Variants in KCNQ5 observed in about 807,000 individuals in gnomAD.
The protein encoded by KCNQ5 is potassium voltage-gated channel subfamily Q member 5, also known as potassium voltage-gated channel subfamily KQT member 5.
KCNQ5 carries 30 observed loss-of-function variants against 98.2 expected under a neutral mutation model. The ratio of observed to expected loss-of-function variants is 0.31; its 90% CI spans 0.23 to 0.41. KCNQ5 has a LOEUF of 0.41. KCNQ5 is among the 10% of genes least tolerant of loss of function. KCNQ5 has a pLI of 1.00. For missense variants in KCNQ5, 835 were observed against 1,182.5 expected (o/e 0.71, Z 4.31); for synonymous variants, 458 against 449.4 (o/e 1.02, Z -0.24).
intron 2 of KCNQ5, among the ~76,000 whole-genome samples, chr6:73,015,216 T>A (rs1428236575): frequency 6.6e-6 from 1 of 152,118 alleles, no homozygotes; most frequent in Non-Finnish European, 1.5e-5. Context: ...GCTCTCAGAA[T>A]ATCCCAATGA....
chr6:72,948,307 C>A (rs1766639004), intron 1 of KCNQ5, among the ~76,000 whole-genome samples: 2 of 151,928 alleles, frequency 1.3e-5, no homozygotes, highest in Non-Finnish European at 2.9e-5. Context: ...CTTACAAATC[C>A]AACTGACCTG....
intron 1 of KCNQ5, among the ~76,000 whole-genome samples, chr6:72,739,115 C>G (rs550041660): frequency 6.6e-6 from 1 of 152,196 alleles, no homozygotes; most frequent in South Asian, 2.1e-4. Context: ...GGTGGGGGAT[C>G]TCAATAGTGG....
chr6:72,963,069 T>A (rs1000982041), intron 1 of KCNQ5, among the ~76,000 whole-genome samples: 3 of 152,208 alleles, frequency 2.0e-5, no homozygotes, highest in Admixed American at 6.5e-5. Flanking sequence ...AATAAAGCAC[T>A]AAGTTAATTT....
At chr6:72,789,947 A>G (rs1773946719) in intron 1 of KCNQ5, among the ~76,000 whole-genome samples, 1 of 152,196 alleles carries the variant, frequency 6.6e-6, no homozygotes, top group Non-Finnish European at 1.5e-5. Context: ...CCATTTTATA[A>G]TTAACTTGGA....
At chr6:72,954,748 G>A (rs1487975088) in intron 1 of KCNQ5, among the ~76,000 whole-genome samples, 1 of 152,170 alleles carries the variant, frequency 6.6e-6, no homozygotes, top group Non-Finnish European at 1.5e-5. Flanking sequence ...AGACTTGGCA[G>A]AATAAGTTAG....
chr6:72,959,341 A>G (rs1767229956), intron 1 of KCNQ5, among the ~76,000 whole-genome samples: 1 of 152,184 alleles, frequency 6.6e-6, no homozygotes, highest in Non-Finnish European at 1.5e-5. Flanking sequence ...CAACTTTCAT[A>G]TTTGGGCAAG....
intron 3 of KCNQ5, among the ~76,000 whole-genome samples, chr6:73,059,441 A>G (rs541642994): frequency 7.2e-5 from 11 of 152,252 alleles, no homozygotes; most frequent in African/African-American, 2.6e-4. Context: ...GGAGAGCATA[A>G]AAAAACTACC....
At chr6:72,872,971 T>C (rs934891153) in intron 1 of KCNQ5, among the ~76,000 whole-genome samples, 9 of 152,130 alleles carry the variant, frequency 5.9e-5, no homozygotes, top group African/African-American at 2.2e-4. Flanking sequence ...ATCAGAAAGC[T>C]ATGCATGATT....
rs201690835 is a variant in KCNQ5 at position 73,077,732 on chromosome 6, C to G, written c.793-30C>G. The G allele has an allele frequency of 5.1e-6, 8 of 1,582,002 alleles. No homozygotes were observed. The East Asian group carries it at 1.6e-4, about 31-fold the overall frequency. ...TTCCTTTTTCAAAGATTTCCCACCT[C>G]TAAAAATCTTTCATTCCTTTTATAT... On this transcript the variant is annotated intron_variant, in intron 4 of 13. Transcript: ENST00000370398.
intron 1 of KCNQ5, among the ~76,000 whole-genome samples, chr6:72,793,722 C>T (rs1034994644): frequency 7.2e-5 from 11 of 152,354 alleles, no homozygotes; most frequent in South Asian, 4.1e-4. Context: ...GTGGTGCCTG[C>T]GCACACATGT....
chr6:73,160,297 T>C (rs558834545), intron 10 of KCNQ5, among the ~76,000 whole-genome samples: 1 of 152,282 alleles, frequency 6.6e-6, no homozygotes, highest in South Asian at 2.1e-4. Context: ...ATTACAGGCG[T>C]GAGCCACCGC....
At chr6:72,854,758 TTGTGTGTG>T (rs34867008) in intron 1 of KCNQ5, among the ~76,000 whole-genome samples, 3 of 127,108 alleles carry the variant, frequency 2.4e-5, no homozygotes, top group East Asian at 2.4e-4. Context: ...ACACCATGGT[TTGTGTGTG>T]TGTGTGTGTG....
chr6:72,811,152 G>A lies in KCNQ5; in HGVS notation c.398+188565G>A, dbSNP rs536920325. Reference sequence around the variant, plus strand: ...GAGTTGCCAGGGTCAGAGCCTTCGTGCAAAATAAGCTGCCACTAACTGGCA... The same window carrying A: ...GAGTTGCCAGGGTCAGAGCCTTCGTACAAAATAAGCTGCCACTAACTGGCA... On this transcript the variant is annotated intron_variant, in intron 1 of 13. Coordinates refer to ENST00000370398, the MANE Select transcript of KCNQ5 (RefSeq NM_019842.4). Among the ~76,000 whole-genome samples the A allele has an allele frequency of 1.2e-4, 18 of 152,316 alleles. No individual in the cohort carries two copies. The South Asian group carries it at 3.5e-3, about 30-fold the overall frequency.
intron 1 of KCNQ5, among the ~76,000 whole-genome samples, chr6:72,701,220 C>T (rs1038703464): frequency 2.0e-5 from 3 of 152,154 alleles, no homozygotes; most frequent in Admixed American, 6.5e-5. Context: ...GCTTCATATT[C>T]ATGAGAATTT....
chr6:72,627,589 G>A (rs1374995911), intron 1 of KCNQ5, among the ~76,000 whole-genome samples: 3 of 152,218 alleles, frequency 2.0e-5, no homozygotes, highest in Non-Finnish European at 2.9e-5. Context: ...GGAGTGCTAA[G>A]AGTCATAAAT....
At chr6:73,045,553 C>G (rs2150360398) in intron 3 of KCNQ5, among the ~76,000 whole-genome samples, 1 of 152,236 alleles carries the variant, frequency 6.6e-6, no homozygotes. Flanking sequence ...CTTCATTTAC[C>G]CAGACTGGCT....
chr6:73,077,819 G>T lies in KCNQ5; in HGVS notation c.850G>T (p.Val284Phe). The T allele has an allele frequency of 6.2e-7, 1 of 1,611,036 alleles. No homozygotes were observed. Among genetic ancestry groups the T allele is most frequent in the Non-Finnish European group, 8.5e-7 (1 of 1,177,854 alleles). ...FLVLIFSSFL[V>F]YLVEKDANKE... ...GGTTCTTATTTTTTCGTCTTTCCTT[G>T]TCTATCTGGTGGAAAAGGATGCCAA... The change falls in exon 5 of 14, where the codon GTC (valine) becomes TTC (phenylalanine). Residue 284 changes from valine (V) to phenylalanine (F), a missense_variant. Transcript: ENST00000370398.
At chr6:72,927,386 A>G (rs1207217476) in intron 1 of KCNQ5, among the ~76,000 whole-genome samples, 1 of 152,118 alleles carries the variant, frequency 6.6e-6, no homozygotes, top group Non-Finnish European at 1.5e-5. Flanking sequence ...TTATACTACA[A>G]ATCGGAGAAG....
intron 1 of KCNQ5, among the ~76,000 whole-genome samples, chr6:72,913,489 AATCAGTATTATGTATCCTAC>A (rs1315069918): frequency 6.6e-6 from 1 of 152,158 alleles, no homozygotes; most frequent in Non-Finnish European, 1.5e-5. Context: ...AACTGTAGAA[AATCAGTATTATGTATCCTAC>A]ATATGTATGC....
Sources: allele counts gnomAD v4.1 joint callset (sites outside exome capture counted in the v4.1 genomes callset), GRCh38; gene constraint gnomAD v4.1.1; transcripts MANE v1.5; gene names NCBI Gene and HGNC (gene_info 2026-07-23, HGNC 2026-07-21).